The following NRXN1 variants were observed in gnomAD, a reference collection of about 807,000 sequenced individuals.
The protein encoded by NRXN1 is neurexin-1.
A neutral mutation model predicts 150.9 loss-of-function variants in NRXN1; 39 were observed. The observed-to-expected ratio is 0.26, with a 90% CI of 0.20 to 0.34. NRXN1 has a LOEUF of 0.34. Among genes scored for constraint, NRXN1 ranks in the 10% least tolerant of loss-of-function variants. The pLI is 1.00. For missense variants in NRXN1, 1,815 were observed against 1,949.9 expected, an observed-to-expected ratio of 0.93 and a Z score of 1.30; for synonymous variants, 924 against 757.0, an observed-to-expected ratio of 1.22 and a Z score of -3.62.
chr2:50,958,052 T>G (rs909736243), intron 2 of NRXN1, among the ~76,000 whole-genome samples: 20 of 152,186 alleles, frequency 1.3e-4, no homozygotes, highest in African/African-American at 4.6e-4. Context: ...CAGAATCCTC[T>G]GTTTATTTGT....
At chr2:50,195,151 A>G (rs2061677741) in intron 18 of NRXN1, among the ~76,000 whole-genome samples, 1 of 152,188 alleles carries the variant, frequency 6.6e-6, no homozygotes, top group Admixed American at 6.6e-5. Context: ...TTTCTGGTCC[A>G]TGAATAATTA....
At chr2:50,486,540 A>G (rs1280635771) in intron 15 of NRXN1, among the ~76,000 whole-genome samples, 1 of 152,198 alleles carries the variant, frequency 6.6e-6, no homozygotes, top group East Asian at 1.9e-4. Context: ...TGTTAGAGAA[A>G]GAATGGTACA....
intron 15 of NRXN1, among the ~76,000 whole-genome samples, chr2:50,495,408 T>C (rs1312309424): frequency 1.0e-5 from 1 of 95,634 alleles, no homozygotes; most frequent in Non-Finnish European, 2.2e-5. Flanking sequence ...TGTGTGTGTG[T>C]GTGTGTGTGT....
At chr2:50,359,638 T>C (rs868833783) in intron 17 of NRXN1, among the ~76,000 whole-genome samples, 5 of 152,094 alleles carry the variant, frequency 3.3e-5, no homozygotes, top group Admixed American at 1.3e-4. Context: ...TTGATTGGTC[T>C]ACCTGAAAGT....
At chr2:50,299,636 C>T (rs1160837351) in intron 17 of NRXN1, among the ~76,000 whole-genome samples, 1 of 151,776 alleles carries the variant, frequency 6.6e-6, no homozygotes, top group African/African-American at 2.4e-5. Flanking sequence ...AATATCAAGC[C>T]CTTGTTTTGT....
intron 17 of NRXN1, among the ~76,000 whole-genome samples, chr2:50,266,127 T>C (rs2152918436): frequency 6.7e-6 from 1 of 150,128 alleles, no homozygotes; most frequent in East Asian, 1.9e-4. Context: ...GCCTCCCGAG[T>C]AGCTGGGATT....
chr2:50,733,505 G>A (rs117592343), intron 5 of NRXN1, among the ~76,000 whole-genome samples: 2 of 152,208 alleles, frequency 1.3e-5, no homozygotes, highest in East Asian at 3.9e-4. Flanking sequence ...AAATAATTTA[G>A]TTATCTCTGC....
chr2:50,766,821 A>C (rs1702439773), intron 5 of NRXN1, among the ~76,000 whole-genome samples: 1 of 152,084 alleles, frequency 6.6e-6, no homozygotes, highest in African/African-American at 2.4e-5. Flanking sequence ...TGTGAAGTTC[A>C]GCATTACAAA....
At chr2:50,829,576 T>A in intron 5 of NRXN1, 4 of 1,612,054 alleles carry the variant, frequency 2.5e-6, no homozygotes, top group Non-Finnish European at 3.4e-6. Flanking sequence ...TGAAGGTCCA[T>A]GTAGCCATCG....
At chr2:50,590,936 A>T (rs1449330327) in intron 8 of NRXN1, among the ~76,000 whole-genome samples, 1 of 152,146 alleles carries the variant, frequency 6.6e-6, no homozygotes, top group Non-Finnish European at 1.5e-5. Context: ...ACTCTAAATA[A>T]TATAACTCCC....
intron 5 of NRXN1, among the ~76,000 whole-genome samples, chr2:50,895,711 G>C (rs879465810): frequency 9.9e-5 from 15 of 151,778 alleles, no homozygotes; most frequent in Admixed American, 9.8e-4. Context: ...CTCCCAAGTA[G>C]CTGGGATTAC....
intron 5 of NRXN1, among the ~76,000 whole-genome samples, chr2:50,882,504 C>T (rs1044819433): frequency 6.6e-6 from 1 of 151,788 alleles, no homozygotes; most frequent in African/African-American, 2.4e-5. Context: ...AGAGTTTAAA[C>T]CATGTTTATC....
At chr2:50,017,148 T>C (rs1686778246) in intron 21 of NRXN1, among the ~76,000 whole-genome samples, 1 of 152,180 alleles carries the variant, frequency 6.6e-6, no homozygotes, top group South Asian at 2.1e-4. Flanking sequence ...TGCTGTACAA[T>C]AATCCTTCCC....
At chr2:50,591,941 T>A (rs963718293) in intron 8 of NRXN1, among the ~76,000 whole-genome samples, 3 of 143,558 alleles carry the variant, frequency 2.1e-5, no homozygotes, top group Non-Finnish European at 4.7e-5. Context: ...ACAGTTACTG[T>A]GTTGGATCCA....
intron 15 of NRXN1, among the ~76,000 whole-genome samples, chr2:50,481,445 A>G (rs1384694536): frequency 6.6e-6 from 1 of 152,254 alleles, no homozygotes; most frequent in African/African-American, 2.4e-5. Flanking sequence ...ATACATAAGT[A>G]GAATTCTTAT....
intron 1 of NRXN1, among the ~76,000 whole-genome samples, chr2:51,030,221 C>T (rs2105347390): frequency 6.6e-6 from 1 of 152,136 alleles, no homozygotes; most frequent in East Asian, 1.9e-4. Context: ...CTCACTATTT[C>T]TTATATTCCC....
intron 21 of NRXN1, among the ~76,000 whole-genome samples, chr2:49,944,471 G>T (rs1236286864): frequency 6.6e-6 from 1 of 152,120 alleles, no homozygotes; most frequent in African/African-American, 2.4e-5. Flanking sequence ...TATTCAAAGT[G>T]GGGGAGGGGA....
intron 16 of NRXN1, among the ~76,000 whole-genome samples, chr2:50,468,809 T>C (rs1371027787): frequency 6.6e-6 from 1 of 151,476 alleles, no homozygotes; most frequent in African/African-American, 2.4e-5. Flanking sequence ...ACCTATTGTA[T>C]AGAGTCTTGA....
chr2:50,609,915 C>A (rs371401643), intron 8 of NRXN1, among the ~76,000 whole-genome samples: 2 of 152,054 alleles, frequency 1.3e-5, no homozygotes, highest in Admixed American at 1.3e-4. Flanking sequence ...TTTCTGTGCA[C>A]AGAATATTTA....
Sources: gnomAD v4.1 joint callset for allele counts (sites outside exome capture counted in the v4.1 genomes callset) on GRCh38, gnomAD v4.1.1 for gene constraint, MANE v1.5 for transcripts, NCBI Gene and HGNC (gene_info 2026-07-23, HGNC 2026-07-21) for gene names.